Variants in DDX41 observed in about 807,000 individuals in gnomAD.
The protein encoded by DDX41 is probable ATP-dependent RNA helicase DDX41.
A neutral mutation model predicts 78.8 loss-of-function variants in DDX41; 50 were observed. The observed-to-expected ratio is 0.63, with a 90% CI of 0.51 to 0.80. The LOEUF (loss-of-function observed/expected upper bound fraction) is 0.80, where lower values mean the gene tolerates loss of function less well. Among genes scored for constraint, DDX41 ranks in the 30% least tolerant of loss-of-function variants. DDX41 has a pLI of 0.00. For missense variants in DDX41, 633 were observed against 849.2 expected, an observed-to-expected ratio of 0.75 and a Z score of 3.16; for synonymous variants, 381 against 321.5, an observed-to-expected ratio of 1.19 and a Z score of -1.98.
In DDX41 at chr5:177,513,123, G is replaced by A; in HGVS notation, c.1231-41C>T. On this transcript the variant is annotated intron_variant, in intron 11 of 16. Transcript: ENST00000330503. This position sits in a 1 kb window ranked among gnomAD's most constrained non-coding sequence, Gnocchi z 4.6. ...TCAGGTCAGGTGATCTTGAGATTAG[G>A]CTTACCCGCCACAGCCCTGCCATGG... is the stretch of plus-strand genomic sequence containing the variant. The A allele has an allele frequency of 1.9e-6, 3 of 1,570,340 alleles. No individual in the cohort carries two copies. The highest frequency in any genetic ancestry group is 2.6e-6 in the Non-Finnish European group (3 of 1,154,358).
At position 177,514,989 on chromosome 5, in the gene DDX41, A is replaced by G; in HGVS notation, c.725T>C (p.Phe242Ser). 1 of 1,613,890 alleles carries G rather than the reference A, an allele frequency of 6.2e-7. No homozygotes were observed. Residue 242 changes from phenylalanine (F) to serine (S), a missense_variant, in exon 8 of 17, where the codon TTC becomes TCC. This residue lies in a region of DDX41 where 151 missense variants were observed against 169.2 expected (regional missense o/e 0.89). Transcript: ENST00000330503. The surrounding 1 kb of genome is among the most constrained non-coding windows in gnomAD (Gnocchi z 4.2). ...TLVFTLPVIM[F>S]CLEQEKRLPF... is the part of the protein sequence containing the mutation. ...TAACCTCTTCTCTTGTTCCAGGCAG[A>G]ACATGATGACGGGCAACGTGAACAC...
At position 177,511,579 on chromosome 5, in the gene DDX41, G is replaced by C; in HGVS notation, c.*212C>G. ...AAACACAGAGGCAGGGCCAGGGCTG[G>C]GCTAGAGGTTTGGGCTTTAATGGCA... On this transcript the variant is annotated 3_prime_UTR_variant, in exon 17 of 17. Coordinates refer to ENST00000330503, the MANE Select transcript of DDX41 (RefSeq NM_016222.4). 3.1e-6 allele frequency: 2 copies of C among 645,554 alleles called. No homozygotes were observed. Among genetic ancestry groups the C allele is most frequent in the Non-Finnish European group, 5.2e-6 (2 of 383,188 alleles). 40.0% of individuals were successfully genotyped at this position (645,554 alleles called of 1,614,324 possible).
rs780979459 is a variant in DDX41, at chr5:177,514,831, GC to G, written c.804del (p.Glu268AspfsTer36). The G allele has an allele frequency of 1.2e-6, 2 of 1,611,264 alleles. No individual in the cohort carries two copies. Among genetic ancestry groups the G allele is most frequent in the Admixed American group, 1.7e-5 (1 of 59,988 alleles). ...AGGATGCCATGGGTCTGCCGGGCCA[GC>G]TCCCGCTGCAGGCAGAGGGACAAAG... ...PYGLIICPSR[E>X]LARQTHGILE... is the part of the protein sequence containing the mutation. On this transcript the variant is annotated frameshift_variant, in exon 9 of 17. Transcript: ENST00000330503. LOFTEE classifies it high-confidence loss of function. This position sits in a 1 kb window ranked among gnomAD's most constrained non-coding sequence, Gnocchi z 4.2.
chr5:177,513,554 T>C lies in DDX41; in HGVS notation c.1099-70A>G. ...TGAGGGGCATGGGGTCTGGGGAAGCTGAGCAACTGAGACACAGCCCACAAA... is the reference window on the plus strand; with the variant it reads ...TGAGGGGCATGGGGTCTGGGGAAGCCGAGCAACTGAGACACAGCCCACAAA... On this transcript the variant is annotated intron_variant, in intron 10 of 16. Transcript: ENST00000330503. This position sits in a 1 kb window ranked among gnomAD's most constrained non-coding sequence, Gnocchi z 4.6. The C allele has an allele frequency of 6.2e-7, 1 of 1,610,632 alleles. No individual in the cohort carries two copies. The highest frequency in any genetic ancestry group is 8.5e-7 in the Non-Finnish European group (1 of 1,177,768).
intron 2 of DDX41, 135 bp downstream of exon 2, chr5:177,516,590 T>C: frequency 7.2e-7 from 1 of 1,384,194 alleles, no homozygotes; most frequent in Non-Finnish European, 1.0e-6. Flanking sequence ...GTCCCTCGTT[T>C]GTCTGGGGGC....
chr5:177,516,578 C>T, intron 2 of DDX41, 131 bp from the exon 3 acceptor site: 1 of 1,395,728 alleles, frequency 7.2e-7, no homozygotes, highest in East Asian at 2.4e-5. Flanking sequence ...ATCAAGCCGT[C>T]GGTCCCTCGT....
intron 3 of DDX41, 42 bp from the exon 4 acceptor site, chr5:177,516,235 G>A (rs769920691): frequency 5.6e-6 from 9 of 1,614,140 alleles, no homozygotes; most frequent in Non-Finnish European, 7.6e-6. Flanking sequence ...TACCAAAACG[G>A]TGTACCAGGC....
chr5:177,516,080 A>C lies in DDX41; in HGVS notation c.373+39T>G, dbSNP rs1428343501. 2.5e-6 allele frequency: 4 copies of C among 1,613,184 alleles called. No individual in the cohort carries two copies. In the African/African-American group the frequency reaches 5.3e-5, roughly 22 times the overall value. On this transcript the variant is annotated intron_variant, in intron 4 of 16. Transcript: ENST00000330503. Reference sequence around the variant, plus strand: ...ACATGCCTGGGGCTGGGAGGAGAAGACTCAGTCCACCTTCTCACTATCCTG... The same window carrying C: ...ACATGCCTGGGGCTGGGAGGAGAAGCCTCAGTCCACCTTCTCACTATCCTG...
rs969403252 is a variant in DDX41 at position 177,512,160 on chromosome 5, C to A, written c.1668G>T (p.Lys556Asn). 3.1e-6 allele frequency: 5 copies of A among 1,613,532 alleles called. No homozygotes were observed. The Admixed American group carries it at 6.7e-5, about 22-fold the overall frequency. Reference protein sequence around the residue: ...MDLKALLLEAKQKVPPVLQVL... With the variant: ...MDLKALLLEANQKVPPVLQVL... ...CCTGCAGCACGGGCGGCACCTTCTG[C>A]TTGGCTTCTAGCAGCAGCGCTTTGA... The change falls in exon 16 of 17, where the codon AAG (lysine) becomes AAT (asparagine). Residue 556 changes from lysine (K) to asparagine (N), a missense_variant. Transcript: ENST00000330503.
chr5:177,514,304 T>G lies in DDX41; in HGVS notation c.935+397A>C, dbSNP rs1761121707. On this transcript the variant is annotated intron_variant, in intron 9 of 16. Transcript: ENST00000330503. This position sits in a 1 kb window ranked among gnomAD's most constrained non-coding sequence, Gnocchi z 4.2. The stretch of plus-strand genomic sequence containing the variant: ...CTGCACAGCACTGAAAGGACACAGG[T>G]GCCGCTGGGATCCAGCCCTACCCCA... 2.1e-6 allele frequency: 1 copy of G among 483,538 alleles called. No individual in the cohort carries two copies. The highest frequency in any genetic ancestry group is 2.0e-5 in the African/African-American group (1 of 51,194). 30.0% of individuals were successfully genotyped at this position (483,538 alleles called of 1,614,324 possible). A position where few individuals can be genotyped will look rare whatever the true frequency, so the allele number is the denominator to read the frequency against.
At position 177,514,792 on chromosome 5, in the gene DDX41, G is replaced by C. The variant is rs764156386; in HGVS notation, c.844C>G (p.Arg282Gly). 9 of 1,612,948 alleles carry C rather than the reference G, an allele frequency of 5.6e-6. No individual in the cohort carries two copies. Among genetic ancestry groups the C allele is most frequent in the Non-Finnish European group, 7.6e-6 (9 of 1,179,936 alleles). Residue 282 changes from arginine (R) to glycine (G), a missense_variant, in exon 9 of 17, where the codon CGC becomes GGC. Arg to Gly is a moderately radical substitution (Grantham distance 125). Coordinates refer to ENST00000330503, the MANE Select transcript of DDX41 (RefSeq NM_016222.4). The surrounding 1 kb of genome is among the most constrained non-coding windows in gnomAD (Gnocchi z 4.2). ...GGTGAGCTGTCCTCCTGCAGCAGGC[G>C]GCAGTAGTACTCCAGGATGCCATGG... is the stretch of plus-strand genomic sequence containing the variant. Reference protein sequence around the residue: ...QTHGILEYYCRLLQEDSSPLL... With the variant: ...QTHGILEYYCGLLQEDSSPLL...
At position 177,515,783 on chromosome 5, in the gene DDX41, T is replaced by C; in HGVS notation, c.473A>G (p.Glu158Gly). 1 of 1,614,192 alleles carries C rather than the reference T, an allele frequency of 6.2e-7. No homozygotes were observed. The highest frequency in any genetic ancestry group is 8.5e-7 in the Non-Finnish European group (1 of 1,180,038). Residue 158 changes from glutamate (E) to glycine (G), a missense_variant, in exon 6 of 17, where the codon GAG becomes GGG. Glu to Gly is a moderately conservative substitution (Grantham distance 98, BLOSUM62 -2). This residue lies in a region of DDX41 where 126 missense variants were observed against 115.5 expected (regional missense o/e 1.09). Coordinates refer to ENST00000330503, the MANE Select transcript of DDX41 (RefSeq NM_016222.4). ...TTTCTTCCGCACGCGCTCATGTCGC[T>C]CTTCAGACATGCTCAGAACATAACG... ...PPRYVLSMSE[E>G]RHERVRKKYH...
rs1170971274 is a variant in DDX41 at position 177,515,928 on chromosome 5, C to T, written c.434+1G>A. On this transcript the variant is annotated splice_donor_variant, in intron 5 of 16. Coordinates refer to ENST00000330503, the MANE Select transcript of DDX41 (RefSeq NM_016222.4). LOFTEE classifies it high-confidence loss of function. ...GGCAACTGCAGACTGTACAGACATACCTGGTTTTGATGGGGTCATCATACG... is the reference window on the plus strand; with the variant it reads ...GGCAACTGCAGACTGTACAGACATATCTGGTTTTGATGGGGTCATCATACG... 16 of 1,614,160 alleles carry T rather than the reference C, an allele frequency of 9.9e-6. No individual in the cohort carries two copies. Among genetic ancestry groups the T allele is most frequent in the Non-Finnish European group, 1.4e-5 (16 of 1,180,040 alleles).
In DDX41 at chr5:177,516,712, G is replaced by A. The variant is rs762846343; in HGVS notation, c.138+13C>T. ...GTCACGGCCCCATCCCTCCCCGGACGCGTGCCCCTCACCAGTAGCTGCCGG... is the reference window on the plus strand; with the variant it reads ...GTCACGGCCCCATCCCTCCCCGGACACGTGCCCCTCACCAGTAGCTGCCGG... On this transcript the variant is annotated intron_variant, in intron 2 of 16. Transcript: ENST00000330503. The A allele has an allele frequency of 2.3e-5, 37 of 1,577,442 alleles. No individual in the cohort carries two copies. The highest frequency in any genetic ancestry group is 3.0e-5 in the Non-Finnish European group (35 of 1,161,980).
At chr5:177,515,587 A>G in intron 6 of DDX41, 98 bp downstream of exon 6, 1 of 1,455,988 alleles carries the variant, frequency 6.9e-7, no homozygotes, top group Admixed American at 1.8e-5. Flanking sequence ...CAGTGACTGG[A>G]TCCAATGCAG....
In DDX41 at chr5:177,512,268, G is replaced by A. The variant is rs993102356; in HGVS notation, c.1621+54C>T. ...GGGCTCTGTGGCCAGAACCTGGGTG[G>A]CCACAGGCAGGGGACCCAGGGAACA... is the stretch of plus-strand genomic sequence containing the variant. On this transcript the variant is annotated intron_variant, in intron 15 of 16. Coordinates refer to ENST00000330503, the MANE Select transcript of DDX41 (RefSeq NM_016222.4). The A allele has an allele frequency of 2.5e-5, 40 of 1,613,672 alleles. No homozygotes were observed. The South Asian group carries it at 3.4e-4, about 14-fold the overall frequency.
Position 177,516,436 on chromosome 5 carries a change from C to T in DDX41, c.150G>A (p.Leu50=), listed in dbSNP as rs972816121. 3 of 1,613,552 alleles carry T rather than the reference C, an allele frequency of 1.9e-6. No homozygotes were observed. The African/African-American group carries it at 4.0e-5, about 22-fold the overall frequency. The part of the protein sequence containing the change: ...RQRRQLLLQK[L]LQRRRKGAAE... Reference sequence around the variant, plus strand: ...CAGCTCCCTTGCGTCTTCGCTGCAGCAGCTTCTGGAGCTGAGGTTCCACCC... The same window carrying T: ...CAGCTCCCTTGCGTCTTCGCTGCAGTAGCTTCTGGAGCTGAGGTTCCACCC... Residue 50 remains leucine, a synonymous_variant, in exon 3 of 17, where the codon CTG becomes CTA. Coordinates refer to ENST00000330503, the MANE Select transcript of DDX41 (RefSeq NM_016222.4).
Position 177,516,936 on chromosome 5 carries a change from A to T in DDX41, c.10T>A (p.Ser4Thr), listed in dbSNP as rs771770596. The change falls in exon 1 of 17, where the codon TCG becomes ACG. Residue 4 changes from serine to threonine, a missense_variant. Physicochemically the swap from Ser to Thr is moderately conservative, Grantham distance 58. Transcript: ENST00000330503. MEESEPERKRARTD... is the reference protein window; with the variant it reads MEETEPERKRARTD... Reference sequence around the variant, plus strand: ...TCTCCTACCTTCCGTTCGGGTTCCGACTCCTCCATTCTTTGCTGCACGCAT... The same window carrying T: ...TCTCCTACCTTCCGTTCGGGTTCCGTCTCCTCCATTCTTTGCTGCACGCAT... 1.9e-6 allele frequency: 3 copies of T among 1,610,318 alleles called. No individual in the cohort carries two copies. The highest frequency in any genetic ancestry group is 1.1e-5 in the South Asian group (1 of 90,950).
intron 16 of DDX41, 37 bp from the exon 17 acceptor site, chr5:177,511,964 A>C: frequency 5.6e-6 from 9 of 1,611,108 alleles, no homozygotes; most frequent in Non-Finnish European, 7.6e-6. Context: ...CAAGTCAAGG[A>C]CCAGGATCCA....
Sources: gnomAD v4.1 joint callset for allele counts on GRCh38, gnomAD v4.1.1 for gene constraint, gnomAD v4.1.1 regional missense constraint, Gnocchi (gnomAD v3.1) non-coding constraint, MANE v1.5 for transcripts, NCBI Gene and HGNC (gene_info 2026-07-23, HGNC 2026-07-21) for gene names.